Variants in LRBA observed in about 807,000 individuals in gnomAD.
LRBA encodes the protein LPS responsive beige-like anchor protein.
LRBA carries 176 observed loss-of-function variants against 330.0 expected under a neutral mutation model. That is an observed-to-expected ratio of 0.53 (90% CI 0.47 to 0.60). LRBA has a LOEUF of 0.60. Ranked by LOEUF, LRBA falls within the 20% of genes least tolerant of loss-of-function variation. LRBA has a pLI of 0.00. For missense variants in LRBA, 3,259 were observed against 3,444.8 expected (o/e 0.95, Z 1.35); for synonymous variants, 1,230 against 1,193.0 (o/e 1.03, Z -0.64).
At chr4:150,801,758 G>A (rs1741641611) in intron 33 of LRBA, among the ~76,000 whole-genome samples, 1 of 152,116 alleles carries the variant, frequency 6.6e-6, no homozygotes, top group Non-Finnish European at 1.5e-5. Context: ...TGCTCATAGA[G>A]TGTACAGAGA....
chr4:150,563,723 A>T (rs1768714865), intron 40 of LRBA, among the ~76,000 whole-genome samples: 1 of 152,186 alleles, frequency 6.6e-6, no homozygotes, highest in South Asian at 2.1e-4. Flanking sequence ...AATCACAAGA[A>T]TTCCTATATA....
chr4:150,291,063 G>A (rs1432227425), intron 53 of LRBA, among the ~76,000 whole-genome samples: 4 of 147,012 alleles, frequency 2.7e-5, no homozygotes, highest in Non-Finnish European at 4.5e-5. Context: ...CCACTAACTC[G>A]TCATCTAGCA....
At position 150,329,718 on chromosome 4, in the gene LRBA, A is replaced by T. The variant is rs143898920; in HGVS notation, c.7363-3820T>A. Among the ~76,000 whole-genome samples, 15 of 152,348 alleles carry T rather than the reference A, an allele frequency of 9.8e-5. No individual in the cohort carries two copies. In the East Asian group the frequency reaches 2.9e-3, roughly 29 times the overall value. On this transcript the variant is annotated intron_variant, in intron 48 of 56. Transcript: ENST00000651943. Reference sequence around the variant, plus strand: ...CCCTGGCCATCTTGTGTGTAAGCACATGTATGTCTTAGCACATCTAAAATC... The same window carrying T: ...CCCTGGCCATCTTGTGTGTAAGCACTTGTATGTCTTAGCACATCTAAAATC...
intron 36 of LRBA, among the ~76,000 whole-genome samples, chr4:150,730,137 G>A (rs1582172073): frequency 6.6e-6 from 1 of 152,066 alleles, no homozygotes; most frequent in Non-Finnish European, 1.5e-5. Flanking sequence ...AAGCAAAAAT[G>A]AATAAATGGG....
intron 2 of LRBA, among the ~76,000 whole-genome samples, chr4:150,992,732 T>G (rs1392662099): frequency 6.6e-6 from 1 of 152,164 alleles, no homozygotes; most frequent in Non-Finnish European, 1.5e-5. Context: ...CAAGTGATCA[T>G]CAATAAGATG....
intron 36 of LRBA, among the ~76,000 whole-genome samples, chr4:150,708,806 C>G (rs973332448): frequency 2.0e-5 from 3 of 151,684 alleles, no homozygotes; most frequent in Non-Finnish European, 3.0e-5. Context: ...ATAATAGAGA[C>G]AAAAATTCTA....
chr4:150,682,902 G>A (rs1296088395), intron 37 of LRBA, among the ~76,000 whole-genome samples: 1 of 151,970 alleles, frequency 6.6e-6, no homozygotes, highest in Non-Finnish European at 1.5e-5. Context: ...TTTCATGGAG[G>A]ATATATAATT....
At chr4:150,280,048 C>A (rs1747311348) in intron 55 of LRBA, among the ~76,000 whole-genome samples, 1 of 152,144 alleles carries the variant, frequency 6.6e-6, no homozygotes, top group Non-Finnish European at 1.5e-5. Context: ...TAAGTAAAAC[C>A]TGGGCTTTAG....
At position 150,511,082 on chromosome 4, in the gene LRBA, T is replaced by G. The variant is rs571939670; in HGVS notation, c.6331-20047A>C. ...CATGTTGGCTAGGCTGGTCTCAAAT[T>G]CCTGACCTCAGGTCATCCTCCGGCC... On this transcript the variant is annotated intron_variant, in intron 40 of 56. Transcript: ENST00000651943. Among the ~76,000 whole-genome samples, 6 of 152,242 alleles carry G rather than the reference T, an allele frequency of 3.9e-5. No individual in the cohort carries two copies. The East Asian group carries it at 1.2e-3, about 30-fold the overall frequency.
At chr4:150,947,531 C>A (rs1055363015) in intron 2 of LRBA, among the ~76,000 whole-genome samples, 4 of 151,910 alleles carry the variant, frequency 2.6e-5, no homozygotes, top group Non-Finnish European at 5.9e-5. Flanking sequence ...AAAAAAACTT[C>A]AACTTGATAA....
chr4:150,422,705 C>T (rs1748989602), intron 46 of LRBA: 1 of 738,350 alleles, frequency 1.4e-6, no homozygotes, highest in Non-Finnish European at 2.4e-6. Context: ...GTGGGCACCA[C>T]CAGGTGAGCC....
chr4:150,851,078 A>T (rs1174026149), intron 23 of LRBA, among the ~76,000 whole-genome samples, 176 bp from the exon 24 acceptor site: 1 of 152,244 alleles, frequency 6.6e-6, no homozygotes, highest in Non-Finnish European at 1.5e-5. Context: ...ATTTTAGTAC[A>T]TGTAAGCAAA....
rs139093792 is a variant in LRBA at position 150,850,726 on chromosome 4, T to C, written c.4002A>G (p.Arg1334=). ...FSIETDIQMW[R]SHSTKTVMDF... ...CCATAATAAACATATAGACAAACCT[T>C]CTCCACATCTGTATATCTGTTTCTA... The change falls in exon 24 of 57, where the codon AGA becomes AGG. Residue 1334 remains arginine, a splice_region_variant and synonymous_variant. Coordinates refer to ENST00000651943, the MANE Select transcript of LRBA (RefSeq NM_001364905.1). 1.7e-5 allele frequency: 27 copies of C among 1,602,606 alleles called. No individual in the cohort carries two copies. The highest frequency in any genetic ancestry group is 2.0e-5 in the Non-Finnish European group (24 of 1,171,818).
intron 31 of LRBA, among the ~76,000 whole-genome samples, chr4:150,809,065 C>A (rs2126727476): frequency 6.6e-6 from 1 of 152,168 alleles, no homozygotes; most frequent in Non-Finnish European, 1.5e-5. Flanking sequence ...GTTGTGTTGG[C>A]CCAGAGAAAG....
Position 150,868,673 on chromosome 4 carries a change from C to G in LRBA, c.2450-368G>C, listed in dbSNP as rs568942634. Reference sequence around the variant, plus strand: ...AACAAGCAGGCCGGGCGAGGTGGCTCACGCCTGTAATTCCAACATTTTGGG... The same window carrying G: ...AACAAGCAGGCCGGGCGAGGTGGCTGACGCCTGTAATTCCAACATTTTGGG... On this transcript the variant is annotated intron_variant, in intron 20 of 56. Transcript: ENST00000651943. Among the ~76,000 whole-genome samples, 14 of 152,294 alleles carry G rather than the reference C, an allele frequency of 9.2e-5. No individual in the cohort carries two copies. The East Asian group carries it at 2.5e-3, about 27-fold the overall frequency.
intron 40 of LRBA, among the ~76,000 whole-genome samples, chr4:150,533,347 A>AT (rs1278584321): frequency 6.6e-6 from 1 of 151,578 alleles, no homozygotes; most frequent in Admixed American, 6.6e-5. Flanking sequence ...TAATTTTTTA[A>AT]TTTTTTTTAA....
chr4:150,959,878 A>T (rs1219178193), intron 2 of LRBA, among the ~76,000 whole-genome samples: 1 of 146,500 alleles, frequency 6.8e-6, no homozygotes, highest in Non-Finnish European at 1.5e-5. Context: ...TATAAAGTAT[A>T]CATAAATATA....
chr4:150,512,120 T>A (rs528081365), intron 40 of LRBA, among the ~76,000 whole-genome samples: 6 of 152,356 alleles, frequency 3.9e-5, no homozygotes, highest in South Asian at 4.1e-4. Context: ...AGATTCCTCA[T>A]CTTCCACTCC....
chr4:150,937,502 C>T (rs1484748187), intron 2 of LRBA, among the ~76,000 whole-genome samples: 1 of 152,084 alleles, frequency 6.6e-6, no homozygotes, highest in Non-Finnish European at 1.5e-5. Context: ...AATCTTATTA[C>T]CTTTTTTATG....
Sources: allele counts gnomAD v4.1 joint callset (sites outside exome capture counted in the v4.1 genomes callset), GRCh38; gene constraint gnomAD v4.1.1; transcripts MANE v1.5; gene names NCBI Gene and HGNC (gene_info 2026-07-23, HGNC 2026-07-21).